The following NAV1 variants were observed in gnomAD, a reference collection of about 807,000 sequenced individuals.
The protein encoded by NAV1 is pore membrane and/or filament interacting like protein 3.
Under a neutral mutation model 175.2 loss-of-function variants are expected in NAV1, and 18 were observed. The ratio of observed to expected loss-of-function variants is 0.10; its 90% CI spans 0.07 to 0.15. The LOEUF (loss-of-function observed/expected upper bound fraction) is 0.15, where lower values mean the gene tolerates loss of function less well. Among genes scored for constraint, NAV1 ranks in the 10% least tolerant of loss-of-function variants. The pLI is 1.00. For missense variants in NAV1, 1,731 were observed against 2,436.6 expected (o/e 0.71, Z 6.10); for synonymous variants, 897 against 978.7 (o/e 0.92, Z 1.56).
rs1198318227 is a variant in NAV1 at position 201,813,494 on chromosome 1, C to G, written c.5340+236C>G. ...CTCTCCAGTCCTAGGCCTTCTGGCT[C>G]TAAGCCCAATTTAAACCACTCTCTA... On this transcript the variant is annotated intron_variant, in intron 28 of 29. Coordinates refer to ENST00000367296, the Ensembl canonical transcript of NAV1. This position sits in a 1 kb window ranked among gnomAD's most constrained non-coding sequence, Gnocchi z 4.2. Among the ~76,000 whole-genome samples the G allele has an allele frequency of 6.6e-6, 1 of 152,130 alleles. No individual in the cohort carries two copies. Among genetic ancestry groups the G allele is most frequent in the East Asian group, 1.9e-4 (1 of 5,194 alleles).
rs1314120171 is a variant in NAV1, at chr1:201,694,152, C to G, written c.758-18665C>G. Among the ~76,000 whole-genome samples, 1 of 152,236 alleles carries G rather than the reference C, an allele frequency of 6.6e-6. No homozygotes were observed. The highest frequency in any genetic ancestry group is 1.5e-5 in the Non-Finnish European group (1 of 68,046). ...CGCTGTTCCCATGGCAACCGCCAGT[C>G]AGTGCTGAGCAAAGGAGGGTGCCAG... On this transcript the variant is annotated intron_variant, in intron 1 of 29. Coordinates refer to ENST00000367296, the Ensembl canonical transcript of NAV1. This position sits in a 1 kb window ranked among gnomAD's most constrained non-coding sequence, Gnocchi z 4.2.
chr1:201,808,941 C>G lies in NAV1; in HGVS notation c.4207+70C>G. ...GGGCTTATTTCACTGTTACACCATT[C>G]CACTTGCTTTGGTCAGGGCGGTAAC... is the stretch of plus-strand genomic sequence containing the variant. On this transcript the variant is annotated intron_variant, in intron 20 of 29. Transcript: ENST00000367296. The surrounding 1 kb of genome is among the most constrained non-coding windows in gnomAD (Gnocchi z 5.5). The G allele has an allele frequency of 1.3e-6, 2 of 1,540,846 alleles. No individual in the cohort carries two copies. Among genetic ancestry groups the G allele is most frequent in the Non-Finnish European group, 1.8e-6 (2 of 1,137,104 alleles).
At chr1:201,562,529 A>C (rs1666230959) in intron 1 of NAV1, among the ~76,000 whole-genome samples, 1 of 152,192 alleles carries the variant, frequency 6.6e-6, no homozygotes, top group African/African-American at 2.4e-5. Flanking sequence ...TGGGCAGGAC[A>C]GGGTTAGTGG....
intron 1 of NAV1, among the ~76,000 whole-genome samples, chr1:201,542,688 C>T (rs899360335): frequency 6.6e-6 from 1 of 152,214 alleles, no homozygotes; most frequent in Non-Finnish European, 1.5e-5. Flanking sequence ...GGTTCTTACA[C>T]ATGTCCTGTG....
At chr1:201,696,058 T>G (rs966245436) in intron 1 of NAV1, among the ~76,000 whole-genome samples, 5 of 151,736 alleles carry the variant, frequency 3.3e-5, no homozygotes, top group Admixed American at 6.6e-5. Context: ...AATCCAGGGG[T>G]CTCTGCATCC....
At position 201,539,316 on chromosome 1, in the gene NAV1, C is replaced by T. The variant is rs953065008; in HGVS notation, c.-170C>T. ...GACTCTGCGCGGCTGCGGCGCGGACCCGGAGCCCGGGCGGGCAGGCGCTCC... is the reference window on the plus strand; with the variant it reads ...GACTCTGCGCGGCTGCGGCGCGGACTCGGAGCCCGGGCGGGCAGGCGCTCC... On this transcript the variant is annotated 5_prime_UTR_variant, in exon 1 of 34. Coordinates refer to the NAV1 transcript ENST00000685211. The surrounding 1 kb of genome is among the most constrained non-coding windows in gnomAD (Gnocchi z 5.6). 3.9e-5 allele frequency among the ~76,000 whole-genome samples: 6 copies of T among 151,904 alleles called. No homozygotes were observed. Among genetic ancestry groups the T allele is most frequent in the African/African-American group, 1.4e-4 (6 of 41,412 alleles).
intron 3 of NAV1, among the ~76,000 whole-genome samples, chr1:201,720,321 C>T (rs61708328): frequency 0.017 from 2,515 of 152,296 alleles, 66 homozygotes; most frequent in African/African-American, 0.056. Flanking sequence ...TAGAAAGTCC[C>T]CCATGTGTTA....
rs111318422 is a variant in NAV1 at position 201,563,541 on chromosome 1, C to T, written c.-144+24199C>T. ...CTCCACATCAGAGGTAAGGAAGAAC[C>T]CAGAATCTGGAATTGGATGCCAGGA... On this transcript the variant is annotated intron_variant, in intron 1 of 33. Transcript: ENST00000685211. 5.2e-3 allele frequency among the ~76,000 whole-genome samples: 791 copies of T among 152,118 alleles called. 6 individuals carry two copies. Among genetic ancestry groups the T allele is most frequent in the African/African-American group, 0.011 (436 of 41,500 alleles).
At chr1:201,669,668 G>A (rs906259877) in intron 1 of NAV1, among the ~76,000 whole-genome samples, 14 of 152,352 alleles carry the variant, frequency 9.2e-5, no homozygotes, top group African/African-American at 2.9e-4. Context: ...GGCAAGAGTG[G>A]TGGGTTCCTG....
Position 201,718,790 on chromosome 1 carries a change from A to T in NAV1, c.1226+35A>T. On this transcript the variant is annotated intron_variant, in intron 3 of 29. Transcript: ENST00000367296. This position sits in a 1 kb window ranked among gnomAD's most constrained non-coding sequence, Gnocchi z 4.8. ...GGGGCTTCTTGGATGGCGGGGGAGGATGGTGGAAAGACCACTGGGATGCGA... is the reference window on the plus strand; with the variant it reads ...GGGGCTTCTTGGATGGCGGGGGAGGTTGGTGGAAAGACCACTGGGATGCGA... The T allele has an allele frequency of 6.4e-7, 1 of 1,571,158 alleles. No individual in the cohort carries two copies. The highest frequency in any genetic ancestry group is 8.7e-7 in the Non-Finnish European group (1 of 1,153,132).
chr1:201,747,590 T>G (rs1673853569), intron 3 of NAV1, among the ~76,000 whole-genome samples: 1 of 152,126 alleles, frequency 6.6e-6, no homozygotes, highest in Non-Finnish European at 1.5e-5. Flanking sequence ...TGCTCCTATT[T>G]ATTCCCTCTG....
intron 3 of NAV1, among the ~76,000 whole-genome samples, chr1:201,757,429 C>T (rs72742021): frequency 0.12 from 18,236 of 152,118 alleles, 1,419 homozygotes; most frequent in Admixed American, 0.2. Context: ...CCACCACGCC[C>T]GGCTAATTTT....
intron 1 of NAV1, among the ~76,000 whole-genome samples, chr1:201,576,670 C>T (rs1397199571): frequency 1.3e-5 from 2 of 152,102 alleles, no homozygotes; most frequent in African/African-American, 4.8e-5. Flanking sequence ...TGTTGGGTCA[C>T]GTGTTAGTTG....
chr1:201,664,345 C>G (rs764053375), intron 1 of NAV1, among the ~76,000 whole-genome samples: 2 of 152,134 alleles, frequency 1.3e-5, no homozygotes, highest in Non-Finnish European at 2.9e-5. Context: ...TGTCTCAAAA[C>G]AAATAAACAA....
chr1:201,643,398 C>CTCCCT (rs60980821), upstream of NAV1, among the ~76,000 whole-genome samples: 4,659 of 145,348 alleles, frequency 0.032, 259 homozygotes, highest in African/African-American at 0.12. Flanking sequence ...CCTTTCTCCT[C>CTCCCT]TCCCTTCCCT....
chr1:201,549,071 A>C (rs1272740722), intron 1 of NAV1, among the ~76,000 whole-genome samples: 2 of 146,350 alleles, frequency 1.4e-5, no homozygotes, highest in Non-Finnish European at 3.0e-5. Flanking sequence ...CAGATATTCT[A>C]GTTTTCTCTT....
intron 1 of NAV1, among the ~76,000 whole-genome samples, chr1:201,670,883 G>A (rs1465073053): frequency 6.6e-6 from 1 of 152,090 alleles, no homozygotes; most frequent in African/African-American, 2.4e-5. Flanking sequence ...GATGGTGGTA[G>A]AGATGATGGT....
intron 1 of NAV1, among the ~76,000 whole-genome samples, chr1:201,628,889 A>G (rs1668410343): frequency 6.6e-6 from 1 of 151,614 alleles, no homozygotes; most frequent in South Asian, 2.1e-4. Context: ...AGCTGAGCCT[A>G]CTCCTCCTTC....
intron 24 of NAV1, among the ~76,000 whole-genome samples, chr1:201,811,400 G>A (rs530507444): frequency 2.6e-5 from 4 of 152,244 alleles, no homozygotes; most frequent in Non-Finnish European, 5.9e-5. Flanking sequence ...GGGGAATTTA[G>A]GGGCTGCTGC....
Sources: gnomAD v4.1 joint callset for allele counts (sites outside exome capture counted in the v4.1 genomes callset) on GRCh38, gnomAD v4.1.1 for gene constraint, Gnocchi (gnomAD v3.1) non-coding constraint, MANE v1.5 for transcripts, NCBI Gene and HGNC (gene_info 2026-07-23, HGNC 2026-07-21) for gene names.